Variants in TCERG1L observed in about 807,000 individuals in gnomAD.
TCERG1L encodes transcription elongation regulator 1 like.
A neutral mutation model predicts 56.3 loss-of-function variants in TCERG1L; 37 were observed. That is an observed-to-expected ratio of 0.66 (90% CI 0.51 to 0.87). The LOEUF (loss-of-function observed/expected upper bound fraction) is 0.87. Ranked by LOEUF, TCERG1L falls within the 40% of genes least tolerant of loss-of-function variation. The pLI is 0.00. For missense variants in TCERG1L, 799 were observed against 774.2 expected (o/e 1.03, Z -0.38); for synonymous variants, 324 against 326.3 (o/e 0.99, Z 0.08).
intron 3 of TCERG1L, among the ~76,000 whole-genome samples, chr10:131,295,571 T>G (rs997016347): frequency 6.6e-6 from 1 of 152,254 alleles, no homozygotes; most frequent in African/African-American, 2.4e-5. Flanking sequence ...TGAACATTTT[T>G]AAAAATTGTA....
At chr10:131,170,451 C>A (rs1846077818) in intron 4 of TCERG1L, among the ~76,000 whole-genome samples, 2 of 152,012 alleles carry the variant, frequency 1.3e-5, no homozygotes. Context: ...CCGAGAGAGG[C>A]ACGGCGGTAA....
chr10:131,250,334 G>A (rs911880692), intron 4 of TCERG1L, among the ~76,000 whole-genome samples: 18 of 128,894 alleles, frequency 1.4e-4, no homozygotes, highest in African/African-American at 5.1e-4. Flanking sequence ...CTCACATGCC[G>A]AGCGGGAGCC....
intron 4 of TCERG1L, among the ~76,000 whole-genome samples, chr10:131,201,497 G>A (rs1459657496): frequency 6.6e-6 from 1 of 152,196 alleles, no homozygotes; most frequent in Non-Finnish European, 1.5e-5. Context: ...CATTCATTAT[G>A]GACCCGTCAC....
chr10:131,305,842 A>G (rs534528161), intron 3 of TCERG1L, among the ~76,000 whole-genome samples: 81 of 152,008 alleles, frequency 5.3e-4, no homozygotes, highest in Non-Finnish European at 1.0e-3. Flanking sequence ...TATAACTATT[A>G]TATAATAGAT....
At chr10:131,155,017 C>G (rs1845904746) in intron 6 of TCERG1L, among the ~76,000 whole-genome samples, 1 of 152,222 alleles carries the variant, frequency 6.6e-6, no homozygotes, top group Admixed American at 6.5e-5. Context: ...GTCCAGGAGC[C>G]TGGGGACACA....
rs756733571 is a variant in TCERG1L, at chr10:131,167,458, A to G, written c.857-573T>C. Among the ~76,000 whole-genome samples the G allele has an allele frequency of 1.5e-3, 228 of 152,360 alleles. 2 individuals carry two copies. Among genetic ancestry groups the G allele is most frequent in the Non-Finnish European group, 2.1e-4 (14 of 68,036 alleles). On this transcript the variant is annotated intron_variant, in intron 4 of 11. Coordinates refer to ENST00000368642, the MANE Select transcript of TCERG1L (RefSeq NM_174937.4). ...GATGCCAACCTGCGCCCTGGACTCC[A>G]TCTATGCCCAGGCTGGGTGCCATCT...
intron 4 of TCERG1L, among the ~76,000 whole-genome samples, chr10:131,243,393 C>T (rs1487619427): frequency 6.6e-6 from 1 of 152,084 alleles, no homozygotes; most frequent in Non-Finnish European, 1.5e-5. Context: ...ACCAGCGTAG[C>T]CAACGTTGCA....
rs556747249 is a variant in TCERG1L, at chr10:131,172,555, G to A, written c.857-5670C>T. On this transcript the variant is annotated intron_variant, in intron 4 of 11. Coordinates refer to ENST00000368642, the MANE Select transcript of TCERG1L (RefSeq NM_174937.4). ...GATTGTTGTAGACTACAGCCATTAT[G>A]AAAAGGGTTCATGAGGAGCATCCAT... 5.9e-5 allele frequency among the ~76,000 whole-genome samples: 9 copies of A among 152,386 alleles called. No homozygotes were observed. The East Asian group carries it at 1.7e-3, about 29-fold the overall frequency.
chr10:131,247,943 ACTC>A (rs1333967880), intron 4 of TCERG1L, among the ~76,000 whole-genome samples: 2 of 151,690 alleles, frequency 1.3e-5, no homozygotes, highest in Non-Finnish European at 2.9e-5. Flanking sequence ...ACACAGGTAA[ACTC>A]ACATACACAC....
intron 4 of TCERG1L, among the ~76,000 whole-genome samples, chr10:131,186,581 T>C (rs1273803095): frequency 1.3e-5 from 2 of 152,166 alleles, no homozygotes; most frequent in Non-Finnish European, 2.9e-5. Flanking sequence ...GGATAAACAC[T>C]GATCTGGAAG....
At chr10:131,207,099 G>T (rs2133483325) in intron 4 of TCERG1L, among the ~76,000 whole-genome samples, 1 of 152,288 alleles carries the variant, frequency 6.6e-6, no homozygotes, top group South Asian at 2.1e-4. Flanking sequence ...AACTCTGCTG[G>T]CCACTGGCCA....
At chr10:131,149,765 C>G (rs913189497) in intron 6 of TCERG1L, among the ~76,000 whole-genome samples, 1 of 152,216 alleles carries the variant, frequency 6.6e-6, no homozygotes, top group Non-Finnish European at 1.5e-5. Context: ...ACCCCTCTTG[C>G]AAGGAATGCA....
At chr10:131,227,713 G>A (rs78814514) in intron 4 of TCERG1L, among the ~76,000 whole-genome samples, 3 of 150,476 alleles carry the variant, frequency 2.0e-5, no homozygotes, top group African/African-American at 4.9e-5. Flanking sequence ...AATGAGTTAC[G>A]GACATGAGCA....
chr10:131,116,036 C>A (rs1176554255), intron 9 of TCERG1L, among the ~76,000 whole-genome samples: 1 of 152,176 alleles, frequency 6.6e-6, no homozygotes, highest in African/African-American at 2.4e-5. Context: ...TCATTATAAA[C>A]ATCCTCACAC....
chr10:131,218,013 C>A lies in TCERG1L; in HGVS notation c.856+42246G>T, dbSNP rs572861339. ...TGCTGGGATTACCGGCGTGAGCCAA[C>A]GCACCCGGCTGTAGCTGGCTTTTAA... On this transcript the variant is annotated intron_variant, in intron 4 of 11. Coordinates refer to ENST00000368642, the MANE Select transcript of TCERG1L (RefSeq NM_174937.4). 2.0e-5 allele frequency among the ~76,000 whole-genome samples: 3 copies of A among 152,256 alleles called. No homozygotes were observed. In the South Asian group the frequency reaches 6.2e-4, roughly 32 times the overall value.
At chr10:131,128,967 A>T (rs539651273) in intron 8 of TCERG1L, among the ~76,000 whole-genome samples, 18 of 152,332 alleles carry the variant, frequency 1.2e-4, no homozygotes, top group Non-Finnish European at 2.2e-4. Context: ...CAAGCCCCTA[A>T]ACCATGCCCC....
chr10:131,212,213 T>C (rs1845627378), intron 4 of TCERG1L, among the ~76,000 whole-genome samples: 1 of 152,168 alleles, frequency 6.6e-6, no homozygotes, highest in Non-Finnish European at 1.5e-5. Flanking sequence ...CAACTCAGAC[T>C]CAGACCCAGG....
rs560021941 is a variant in TCERG1L, at chr10:131,138,840, T to C, written c.1190-4392A>G. ...ACATGGTTAAACGGTCAGCTTCATGTTATATATATTTTACCACAGTGAGAA... is the reference window on the plus strand; with the variant it reads ...ACATGGTTAAACGGTCAGCTTCATGCTATATATATTTTACCACAGTGAGAA... On this transcript the variant is annotated intron_variant, in intron 7 of 11. Transcript: ENST00000368642. Among the ~76,000 whole-genome samples, 125 of 152,280 alleles carry C rather than the reference T, an allele frequency of 8.2e-4. 1 individual carries two copies. The highest frequency in any genetic ancestry group is 2.8e-3 in the African/African-American group (117 of 41,568).
chr10:131,310,457 G>A (rs1191175222), intron 1 of TCERG1L, among the ~76,000 whole-genome samples: 1 of 152,102 alleles, frequency 6.6e-6, no homozygotes, highest in African/African-American at 2.4e-5. Context: ...TTAATCAAAT[G>A]GTGTATTCTA....
Sources: gnomAD v4.1 joint callset for allele counts (sites outside exome capture counted in the v4.1 genomes callset) on GRCh38, gnomAD v4.1.1 for gene constraint, MANE v1.5 for transcripts, NCBI Gene and HGNC (gene_info 2026-07-23, HGNC 2026-07-21) for gene names.